The following RBFOX1 variants were observed in gnomAD, a reference collection of about 807,000 sequenced individuals.
RBFOX1 encodes RNA binding fox-1 homolog 1, also known as RNA binding protein fox-1 homolog 1.
A neutral mutation model predicts 57.7 loss-of-function variants in RBFOX1; 8 were observed. The ratio of observed to expected loss-of-function variants is 0.14; its 90% confidence interval spans 0.08 to 0.25. RBFOX1 has a LOEUF of 0.25. Among genes scored for constraint, RBFOX1 ranks in the 10% least tolerant of loss-of-function variants. The probability of loss-of-function intolerance (pLI) is 1.00; values close to 1 mark genes in which losing one functional copy is unlikely to be tolerated. For synonymous variants in RBFOX1, 326 were observed against 222.4 expected (o/e 1.47, Z -4.15); for missense variants, 611 against 548.5 (o/e 1.11, Z -1.14).
intron 4 of RBFOX1, among the ~76,000 whole-genome samples, chr16:5,902,879 C>T (rs759621534): frequency 6.6e-5 from 10 of 152,168 alleles, no homozygotes; most frequent in Non-Finnish European, 1.2e-4. Flanking sequence ...CTGCTCACCT[C>T]CAAGCTCTGC....
intron 1 of RBFOX1, among the ~76,000 whole-genome samples, chr16:5,459,465 T>G (rs2068725776): frequency 6.6e-6 from 1 of 152,100 alleles, no homozygotes; most frequent in Admixed American, 6.5e-5. Context: ...TGCTTCCGTT[T>G]AGACCTCCTC....
intron 1 of RBFOX1, among the ~76,000 whole-genome samples, chr16:6,291,601 C>T (rs2077472364): frequency 6.6e-6 from 1 of 152,198 alleles, no homozygotes; most frequent in Admixed American, 6.5e-5. Flanking sequence ...ACCTCCCTCA[C>T]CTCTTGCCCG....
At chr16:7,214,174 G>T (rs1177994987) in intron 4 of RBFOX1, among the ~76,000 whole-genome samples, 1 of 152,016 alleles carries the variant, frequency 6.6e-6, no homozygotes, top group Non-Finnish European at 1.5e-5. Context: ...TTCTAATGAA[G>T]CCACAGTAGA....
chr16:7,589,171 C>G (rs150461720), intron 7 of RBFOX1, among the ~76,000 whole-genome samples: 4 of 152,120 alleles, frequency 2.6e-5, no homozygotes, highest in Non-Finnish European at 4.4e-5. Context: ...GTAGATGACC[C>G]GAATGTTGAC....
At chr16:7,115,418 C>A (rs1240943012) in intron 4 of RBFOX1, among the ~76,000 whole-genome samples, 1 of 152,154 alleles carries the variant, frequency 6.6e-6, no homozygotes, top group South Asian at 2.1e-4. Context: ...GCCTTAGTTA[C>A]CTATTGCTAT....
intron 4 of RBFOX1, among the ~76,000 whole-genome samples, chr16:7,094,548 C>G (rs147405874): frequency 2.0e-5 from 3 of 151,984 alleles, no homozygotes; most frequent in African/African-American, 4.8e-5. Flanking sequence ...TGTTATCATT[C>G]GAAGTCAGAC....
intron 4 of RBFOX1, among the ~76,000 whole-genome samples, chr16:7,489,014 C>T (rs975562853): frequency 6.6e-6 from 1 of 152,132 alleles, no homozygotes; most frequent in African/African-American, 2.4e-5. Context: ...ATTATATCTA[C>T]CTACCTATGC....
chr16:5,693,836 T>C (rs886135859), intron 3 of RBFOX1, among the ~76,000 whole-genome samples: 23 of 152,190 alleles, frequency 1.5e-4, no homozygotes, highest in African/African-American at 5.3e-4. Flanking sequence ...TCAAGTATTG[T>C]CTTTTTGTGA....
chr16:5,669,027 A>G (rs2049935904), intron 3 of RBFOX1, among the ~76,000 whole-genome samples: 1 of 152,178 alleles, frequency 6.6e-6, no homozygotes, highest in Non-Finnish European at 1.5e-5. Context: ...CAGTCCACCC[A>G]TTGGTACTGT....
chr16:7,508,901 A>G (rs1425279067), intron 4 of RBFOX1, among the ~76,000 whole-genome samples: 1 of 152,234 alleles, frequency 6.6e-6, no homozygotes, highest in African/African-American at 2.4e-5. Context: ...ATAAGCAGCT[A>G]TCTGTAGGAA....
rs981497861 is a variant in RBFOX1 at position 6,584,648 on chromosome 16, C to T, written c.-63-69955C>T. Among the ~76,000 whole-genome samples the T allele has an allele frequency of 7.9e-5, 12 of 152,014 alleles. No individual in the cohort carries two copies. In the East Asian group the frequency reaches 2.3e-3, roughly 29 times the overall value. On this transcript the variant is annotated intron_variant, in intron 2 of 15. Coordinates refer to ENST00000550418, the MANE Select transcript of RBFOX1 (RefSeq NM_018723.4). ...CCTCCCAAAGTGCTGGGATTACAGG[C>T]ATGAGCCACCATGCCCGGCCTGTGT...
intron 2 of RBFOX1, among the ~76,000 whole-genome samples, chr16:6,531,928 A>G (rs962811609): frequency 2.6e-5 from 4 of 152,198 alleles, no homozygotes; most frequent in Non-Finnish European, 2.9e-5. Context: ...AAGAATACTT[A>G]TTAGCAGTAG....
At chr16:5,717,724 G>GAGGGCTTCGGT (rs1567441973) in intron 3 of RBFOX1, among the ~76,000 whole-genome samples, 1 of 152,194 alleles carries the variant, frequency 6.6e-6, no homozygotes, top group Non-Finnish European at 1.5e-5. Context: ...TAATAATTGG[G>GAGGGCTTCGGT]AGGGCTTCGG....
At chr16:6,136,756 C>T (rs185446399) in intron 1 of RBFOX1, among the ~76,000 whole-genome samples, 6 of 152,206 alleles carry the variant, frequency 3.9e-5, no homozygotes, top group Admixed American at 6.5e-5. Flanking sequence ...CATCACAAGC[C>T]GACATTTGTA....
At chr16:6,766,936 C>T (rs936004822) in intron 3 of RBFOX1, among the ~76,000 whole-genome samples, 1 of 152,034 alleles carries the variant, frequency 6.6e-6, no homozygotes, top group Non-Finnish European at 1.5e-5. Context: ...GAATGCAGCC[C>T]GTGGTACTAG....
At chr16:7,100,166 CA>C (rs1039851219) in intron 4 of RBFOX1, among the ~76,000 whole-genome samples, 2 of 151,398 alleles carry the variant, frequency 1.3e-5, no homozygotes, top group Non-Finnish European at 2.9e-5. Flanking sequence ...GCAGAGAAAA[CA>C]AAATTGAAGT....
chr16:6,583,686 G>A (rs1477571906), intron 2 of RBFOX1, among the ~76,000 whole-genome samples: 2 of 152,150 alleles, frequency 1.3e-5, no homozygotes, highest in Admixed American at 6.5e-5. Context: ...GCAATTTCTT[G>A]TGGCTCAGAA....
chr16:7,045,673 G>A (rs532953589), intron 3 of RBFOX1, among the ~76,000 whole-genome samples: 6 of 151,648 alleles, frequency 4.0e-5, no homozygotes, highest in African/African-American at 7.3e-5. Flanking sequence ...TCAATAGAGC[G>A]AGACATTGTC....
chr16:5,528,542 CTTCTT>C (rs1211109873), intron 2 of RBFOX1, among the ~76,000 whole-genome samples: 8 of 142,336 alleles, frequency 5.6e-5, no homozygotes, highest in African/African-American at 7.9e-5. Flanking sequence ...CCCGACAGCT[CTTCTT>C]TTTTTTTTTT....
Sources: gnomAD v4.1 joint callset for allele counts (sites outside exome capture counted in the v4.1 genomes callset) on GRCh38, gnomAD v4.1.1 for gene constraint, MANE v1.5 for transcripts, NCBI Gene and HGNC (gene_info 2026-07-23, HGNC 2026-07-21) for gene names.